The following RAPGEF6 variants were observed in gnomAD, a reference collection of about 807,000 sequenced individuals.
RAPGEF6 encodes the protein Rap guanine nucleotide exchange factor 6.
RAPGEF6 carries 56 observed loss-of-function variants against 171.4 expected under a neutral mutation model. That is an observed-to-expected ratio of 0.33 (90% CI 0.26 to 0.41). RAPGEF6 has a LOEUF of 0.41. Among genes scored for constraint, RAPGEF6 ranks in the 10% least tolerant of loss-of-function variants. The pLI, the probability that RAPGEF6 is intolerant of heterozygous loss-of-function variation, is 1.00. For synonymous variants in RAPGEF6, 692 were observed against 650.1 expected (o/e 1.06, Z -0.98); for missense variants, 1,674 against 1,921.4 (o/e 0.87, Z 2.41).
At chr5:131,604,801 T>C (rs1165057991) in intron 1 of RAPGEF6, 108 bp from the exon 2 acceptor site, 1 of 1,311,580 alleles carries the variant, frequency 7.6e-7, no homozygotes, top group African/African-American at 1.5e-5. Context: ...GGCAAAGCAG[T>C]TAACTATGGA....
At chr5:131,517,887 G>T (rs927403380) in intron 7 of RAPGEF6, among the ~76,000 whole-genome samples, 1 of 151,334 alleles carries the variant, frequency 6.6e-6, no homozygotes, top group Non-Finnish European at 1.5e-5. Context: ...ACTTTGGAGG[G>T]TATATCTTAT....
chr5:131,560,147 T>C (rs1026478942), intron 5 of RAPGEF6, among the ~76,000 whole-genome samples: 10 of 152,244 alleles, frequency 6.6e-5, no homozygotes, highest in Non-Finnish European at 4.4e-5. Context: ...TAAATACATA[T>C]ACTTGATGTG....
rs189058106 is a variant in RAPGEF6, at chr5:131,596,140, C to T, written c.198-3674G>A. Among the ~76,000 whole-genome samples, 483 of 138,448 alleles carry T rather than the reference C, an allele frequency of 3.5e-3. 4 individuals carry two copies. The highest frequency in any genetic ancestry group is 0.012 in the African/African-American group (456 of 37,420). The allele number at this position is 138,448 out of a possible 152,430, so 90.8% of individuals were successfully genotyped here. On this transcript the variant is annotated intron_variant, in intron 3 of 27. Transcript: ENST00000509018. ...CTGTGCTCCACCCTGGGGAGCAGTG[C>T]GAGACTCCATCATATAAAAAAAAAA...
At chr5:131,530,774 G>A (rs959085678) in intron 6 of RAPGEF6, among the ~76,000 whole-genome samples, 7 of 152,118 alleles carry the variant, frequency 4.6e-5, no homozygotes, top group African/African-American at 1.4e-4. Flanking sequence ...TTGGCTATCA[G>A]CATTCCAAAG....
intron 1 of RAPGEF6, among the ~76,000 whole-genome samples, chr5:131,611,678 G>C (rs1339955734): frequency 6.6e-6 from 1 of 152,090 alleles, no homozygotes; most frequent in Non-Finnish European, 1.5e-5. Context: ...GTCTCAAAAA[G>C]AGTCATTTTT....
chr5:131,425,536 A>T lies in RAPGEF6; in HGVS notation c.*1730T>A, dbSNP rs1751356031. ...GGACCAAGAAAGCTATGGAACCACC[A>T]AGCCTCATTCTATCATACCTGCGAT... On this transcript the variant is annotated 3_prime_UTR_variant, in exon 28 of 28. Transcript: ENST00000509018. 1 of 152,372 alleles carries T rather than the reference A, an allele frequency of 6.6e-6. No individual in the cohort carries two copies. The highest frequency in any genetic ancestry group is 1.5e-5 in the Non-Finnish European group (1 of 68,040). 9.4% of individuals were successfully genotyped at this position (152,372 alleles called of 1,614,324 possible).
At chr5:131,468,183 T>C (rs1443687811) in intron 17 of RAPGEF6, among the ~76,000 whole-genome samples, 1 of 150,936 alleles carries the variant, frequency 6.6e-6, no homozygotes. Flanking sequence ...TACAAAAAAA[T>C]TAGCTGGGCG....
chr5:131,509,684 G>A (rs1230919925), intron 8 of RAPGEF6, among the ~76,000 whole-genome samples: 2 of 152,168 alleles, frequency 1.3e-5, no homozygotes, highest in African/African-American at 4.8e-5. Flanking sequence ...TGCTTTAAAT[G>A]TCTTATAGAC....
chr5:131,630,426 C>G (rs1179861352), intron 1 of RAPGEF6, among the ~76,000 whole-genome samples: 1 of 152,224 alleles, frequency 6.6e-6, no homozygotes, highest in Non-Finnish European at 1.5e-5. Flanking sequence ...ATTGGCTTTA[C>G]TGCAGTAGTC....
chr5:131,484,671 C>G (rs920042232), intron 15 of RAPGEF6, among the ~76,000 whole-genome samples: 5 of 152,180 alleles, frequency 3.3e-5, no homozygotes, highest in Admixed American at 6.5e-5. Flanking sequence ...TTTATTATAT[C>G]TCTGTTAATA....
At chr5:131,476,191 C>T (rs1316733322) in intron 16 of RAPGEF6, among the ~76,000 whole-genome samples, 2 of 152,092 alleles carry the variant, frequency 1.3e-5, no homozygotes, top group Non-Finnish European at 2.9e-5. Context: ...TAGGGTGCTC[C>T]AACTTTTAGT....
At position 131,542,375 on chromosome 5, in the gene RAPGEF6, T is replaced by C. The variant is rs935188789; in HGVS notation, c.495+5672A>G. On this transcript the variant is annotated intron_variant, in intron 6 of 27. Coordinates refer to ENST00000509018, the MANE Select transcript of RAPGEF6 (RefSeq NM_016340.6). Reference sequence around the variant, plus strand: ...GAGCCCTTTTTTATATATTATCTCATTTAATCCTTTTACAAATCTATAAGT... The same window carrying C: ...GAGCCCTTTTTTATATATTATCTCACTTAATCCTTTTACAAATCTATAAGT... Among the ~76,000 whole-genome samples, 9 of 152,176 alleles carry C rather than the reference T, an allele frequency of 5.9e-5. 1 individual carries two copies. Among genetic ancestry groups the C allele is most frequent in the Admixed American group, 3.3e-4 (5 of 15,274 alleles).
intron 4 of RAPGEF6, among the ~76,000 whole-genome samples, chr5:131,578,316 A>C (rs1050162677): frequency 2.0e-5 from 3 of 152,060 alleles, no homozygotes; most frequent in Admixed American, 1.3e-4. Context: ...ATCCTTCTCT[A>C]GCAAAGAATT....
At chr5:131,570,532 C>T (rs1002474005) in intron 4 of RAPGEF6, among the ~76,000 whole-genome samples, 1 of 151,724 alleles carries the variant, frequency 6.6e-6, no homozygotes, top group African/African-American at 2.4e-5. Flanking sequence ...TTGTGACAGC[C>T]CCAAATTAAA....
At chr5:131,514,948 A>G (rs777607013) in intron 7 of RAPGEF6, among the ~76,000 whole-genome samples, 11 of 152,328 alleles carry the variant, frequency 7.2e-5, no homozygotes, top group African/African-American at 2.4e-4. Flanking sequence ...GGATTAAGAC[A>G]GCATGAAACT....
intron 8 of RAPGEF6, 92 bp from the exon 9 acceptor site, chr5:131,508,299 A>G: frequency 1.6e-6 from 2 of 1,238,964 alleles, no homozygotes; most frequent in South Asian, 1.8e-5. Flanking sequence ...CAATTTCACA[A>G]TCAACTTATA....
intron 13 of RAPGEF6, among the ~76,000 whole-genome samples, chr5:131,494,166 TA>T (rs1331917388): frequency 6.6e-6 from 1 of 152,218 alleles, no homozygotes; most frequent in African/African-American, 2.4e-5. Context: ...TCTTTACAAA[TA>T]ACACAACTAA....
intron 4 of RAPGEF6, among the ~76,000 whole-genome samples, chr5:131,577,431 C>A (rs1205711167): frequency 1.3e-5 from 2 of 152,192 alleles, no homozygotes; most frequent in African/African-American, 4.8e-5. Context: ...TCCATTTGAA[C>A]TTTTATATGG....
At chr5:131,447,784 A>G (rs1338264368) in intron 21 of RAPGEF6, among the ~76,000 whole-genome samples, 1 of 152,238 alleles carries the variant, frequency 6.6e-6, no homozygotes, top group Non-Finnish European at 1.5e-5. Context: ...TAGTTGAAAA[A>G]GTGTTATGGC....
Sources: gnomAD v4.1 joint callset for allele counts (sites outside exome capture counted in the v4.1 genomes callset) on GRCh38, gnomAD v4.1.1 for gene constraint, MANE v1.5 for transcripts, NCBI Gene and HGNC (gene_info 2026-07-23, HGNC 2026-07-21) for gene names.